Variants in SLCO1B1 observed in about 807,000 individuals in gnomAD.
The protein encoded by SLCO1B1 is solute carrier organic anion transporter family member 1B1.
Under a neutral mutation model 70.1 loss-of-function variants are expected in SLCO1B1, and 81 were observed. The ratio of observed to expected loss-of-function variants is 1.16; its 90% CI spans 0.97 to 1.39. The LOEUF (loss-of-function observed/expected upper bound fraction) is 1.39. SLCO1B1 is among the 40% of genes most tolerant of loss of function. The probability of loss-of-function intolerance (pLI) is 0.00; values close to 1 mark genes in which losing one functional copy is unlikely to be tolerated. For missense variants in SLCO1B1, 895 were observed against 799.6 expected (o/e 1.12, Z -1.44); for synonymous variants, 283 against 271.5 (o/e 1.04, Z -0.42).
chr12:21,172,416 C>G (rs1309830477), intron 2 of SLCO1B1, among the ~76,000 whole-genome samples: 1 of 152,188 alleles, frequency 6.6e-6, no homozygotes, highest in East Asian at 1.9e-4. Flanking sequence ...AACTGTAGTG[C>G]TCTAATATTT....
chr12:21,154,923 C>A (rs550324768), intron 2 of SLCO1B1, among the ~76,000 whole-genome samples: 27 of 151,944 alleles, frequency 1.8e-4, no homozygotes, highest in Admixed American at 5.9e-4. Flanking sequence ...AAATATATTT[C>A]TTTGTCTTTT....
chr12:21,156,751 A>C (rs1940549839), intron 2 of SLCO1B1, among the ~76,000 whole-genome samples: 1 of 152,174 alleles, frequency 6.6e-6, no homozygotes, highest in Non-Finnish European at 1.5e-5. Context: ...TTTACGCATG[A>C]GAAAAGTGTT....
intron 5 of SLCO1B1, among the ~76,000 whole-genome samples, chr12:21,177,537 C>T (rs950278407): frequency 2.6e-5 from 4 of 151,836 alleles, no homozygotes; most frequent in African/African-American, 4.8e-5. Flanking sequence ...TACATAGAGA[C>T]GAGGTAGAGG....
intron 7 of SLCO1B1, 51 bp from the exon 8 acceptor site, chr12:21,196,895 T>C (rs1276378952): frequency 1.9e-6 from 3 of 1,552,844 alleles, no homozygotes; most frequent in Admixed American, 3.4e-5. Flanking sequence ...TCCCTGAACC[T>C]ATTGTATTTC....
intron 2 of SLCO1B1, among the ~76,000 whole-genome samples, chr12:21,153,028 T>A (rs1409580855): frequency 6.6e-6 from 1 of 152,184 alleles, no homozygotes; most frequent in Non-Finnish European, 1.5e-5. Flanking sequence ...ACCTTGTCAC[T>A]GGTTCCTGTG....
At chr12:21,206,083 A>C in intron 11 of SLCO1B1, 50 bp downstream of exon 11, 1 of 1,474,192 alleles carries the variant, frequency 6.8e-7, no homozygotes. Flanking sequence ...CACAGATTAG[A>C]TTGAACAATT....
intron 10 of SLCO1B1, among the ~76,000 whole-genome samples, chr12:21,205,121 C>G (rs1321970993): frequency 1.3e-5 from 2 of 151,726 alleles, no homozygotes; most frequent in Non-Finnish European, 2.9e-5. Flanking sequence ...AAAGATAACA[C>G]ATCAATCCTC....
chr12:21,146,071 G>A (rs1378462950), intron 2 of SLCO1B1, among the ~76,000 whole-genome samples: 7 of 152,050 alleles, frequency 4.6e-5, no homozygotes, highest in Non-Finnish European at 1.0e-4. Flanking sequence ...GTGAAACCAT[G>A]TAGGCCTGTT....
At chr12:21,201,170 A>C (rs193243788) in intron 9 of SLCO1B1, among the ~76,000 whole-genome samples, 1 of 152,246 alleles carries the variant, frequency 6.6e-6, no homozygotes, top group African/African-American at 2.4e-5. Context: ...TGGCACATTT[A>C]GATGTGCTTA....
intron 7 of SLCO1B1, among the ~76,000 whole-genome samples, chr12:21,193,151 G>A (rs1318183074): frequency 6.6e-6 from 1 of 151,988 alleles, no homozygotes; most frequent in Non-Finnish European, 1.5e-5. Flanking sequence ...ATTTCTATTT[G>A]AAAAGAATAT....
intron 11 of SLCO1B1, among the ~76,000 whole-genome samples, chr12:21,208,765 T>G (rs1306530476): frequency 6.6e-6 from 1 of 152,266 alleles, no homozygotes; most frequent in East Asian, 1.9e-4. Flanking sequence ...GAGAGTAGAA[T>G]GTTTTTCCAC....
chr12:21,189,427 T>C (rs541651238), intron 7 of SLCO1B1, among the ~76,000 whole-genome samples: 1 of 150,904 alleles, frequency 6.6e-6, no homozygotes, highest in South Asian at 2.1e-4. Context: ...TCTATTCAGG[T>C]ATGTAGCCTA....
At position 21,178,613 on chromosome 12, in the gene SLCO1B1, T is replaced by C. The variant is rs1940851169; in HGVS notation, c.519T>C (p.Tyr173=). ...AATCTGGGTCATACATGTGGATATA[T>C]GTGTTCATGGGTAATATGCTTCGTG... ...LKESGSYMWI[Y]VFMGNMLRGI... Residue 173 remains tyrosine, a synonymous_variant, in exon 6 of 15, where the codon TAT becomes TAC. Coordinates refer to ENST00000256958, the MANE Select transcript of SLCO1B1 (RefSeq NM_006446.5). 1 of 1,608,568 alleles carries C rather than the reference T, an allele frequency of 6.2e-7. No individual in the cohort carries two copies. Among genetic ancestry groups the C allele is most frequent in the Non-Finnish European group, 8.5e-7 (1 of 1,175,082 alleles).
intron 11 of SLCO1B1, among the ~76,000 whole-genome samples, chr12:21,209,247 C>G (rs1266799099): frequency 6.6e-6 from 1 of 151,668 alleles, no homozygotes; most frequent in African/African-American, 2.4e-5. Context: ...TGTGATATTC[C>G]CCTTCCTGTG....
rs1366182870 is a variant in SLCO1B1 at position 21,239,219 on chromosome 12, T to C, written c.*30T>C. On this transcript the variant is annotated 3_prime_UTR_variant, in exon 15 of 15. Coordinates refer to ENST00000256958, the MANE Select transcript of SLCO1B1 (RefSeq NM_006446.5). ...AGAAAAAAAGCCACTTCTGCTTCTG[T>C]GTTTCCAAACAGCATTGCATTGATT... is the stretch of plus-strand genomic sequence containing the variant. 2.2e-5 allele frequency: 32 copies of C among 1,477,762 alleles called. No individual in the cohort carries two copies. Among genetic ancestry groups the C allele is most frequent in the Non-Finnish European group, 2.8e-5 (30 of 1,056,282 alleles). The allele number at this position is 1,477,762 out of a possible 1,614,324, so 91.5% of individuals were successfully genotyped here.
chr12:21,237,683 T>C (rs1029630951), intron 14 of SLCO1B1, among the ~76,000 whole-genome samples: 2 of 152,116 alleles, frequency 1.3e-5, no homozygotes, highest in Non-Finnish European at 1.5e-5. Flanking sequence ...ATCTGTGATA[T>C]AGTGTCTGAC....
chr12:21,176,828 A>G lies in SLCO1B1; in HGVS notation c.412A>G (p.Thr138Ala). ...NINSSENSTS[T>A]LSTCLINQIL... ...CAATTCATCAGAAAATTCAACATCG[A>G]CCTTATCCACTTGTTTAATTAATCA... Residue 138 changes from threonine to alanine, a missense_variant, in exon 5 of 15, where the codon ACC (threonine) becomes GCC (alanine). Physicochemically the swap from Thr to Ala is moderately conservative, Grantham distance 58. Transcript: ENST00000256958. The G allele has an allele frequency of 6.5e-7, 1 of 1,538,774 alleles. No individual in the cohort carries two copies. Among genetic ancestry groups the G allele is most frequent in the Non-Finnish European group, 9.0e-7 (1 of 1,111,464 alleles).
chr12:21,201,295 A>C lies in SLCO1B1; in HGVS notation c.1135+623A>C, dbSNP rs550627836. On this transcript the variant is annotated intron_variant, in intron 9 of 14. Transcript: ENST00000256958. ...ACAACTTATCATGTGGTATGTAACT[A>C]GGTCATAAGTAAACAAGAAAATGAA... 1.2e-4 allele frequency among the ~76,000 whole-genome samples: 18 copies of C among 152,238 alleles called. 1 individual carries two copies. Among genetic ancestry groups the C allele is most frequent in the African/African-American group, 4.1e-4 (17 of 41,580 alleles).
chr12:21,160,663 T>G (rs766216392), intron 2 of SLCO1B1, among the ~76,000 whole-genome samples: 4 of 151,606 alleles, frequency 2.6e-5, no homozygotes, highest in Non-Finnish European at 5.9e-5. Context: ...TATTGACAAA[T>G]GAGATATAAT....
Sources: allele counts gnomAD v4.1 joint callset (sites outside exome capture counted in the v4.1 genomes callset), GRCh38; gene constraint gnomAD v4.1.1; transcripts MANE v1.5; gene names NCBI Gene and HGNC (gene_info 2026-07-23, HGNC 2026-07-21).